The following GSE1 variants were observed in gnomAD, a reference collection of about 807,000 sequenced individuals.
GSE1 encodes genetic suppressor element 1.
A neutral mutation model predicts 112.6 loss-of-function variants in GSE1; 32 were observed. The ratio of observed to expected loss-of-function variants is 0.28; its 90% CI spans 0.21 to 0.38. The LOEUF (loss-of-function observed/expected upper bound fraction) is 0.38, where lower values mean the gene tolerates loss of function less well. GSE1 is among the 10% of genes least tolerant of loss of function. GSE1 has a pLI of 1.00. For synonymous variants in GSE1, 1,115 were observed against 735.6 expected, an observed-to-expected ratio of 1.52 and a Z score of -8.35; for missense variants, 2,348 against 1,699.2, an observed-to-expected ratio of 1.38 and a Z score of -6.71.
chr16:85,481,032 CCT>C (rs1169421282), intron 2 of GSE1, among the ~76,000 whole-genome samples: 2 of 152,348 alleles, frequency 1.3e-5, no homozygotes, highest in East Asian at 3.9e-4. Flanking sequence ...GCCCTTGCTC[CCT>C]CTCTGGGCCG....
intron 3 of GSE1, 83 bp from the exon 4 acceptor site, chr16:85,654,195 C>T (rs140032284): frequency 1.8e-5 from 23 of 1,295,120 alleles, no homozygotes; most frequent in Middle Eastern, 2.6e-4. Flanking sequence ...AGCGCCTTCC[C>T]GTGAGTCAGG....
chr16:85,611,592 C>A, upstream of GSE1: 3 of 583,092 alleles, frequency 5.1e-6, no homozygotes, highest in South Asian at 1.5e-4. Context: ...CGTTTGTGGT[C>A]TGCCCGGAGC....
At chr16:85,226,871 T>C (rs2075497350) in intron 1 of GSE1, among the ~76,000 whole-genome samples, 1 of 149,284 alleles carries the variant, frequency 6.7e-6, no homozygotes, top group African/African-American at 2.5e-5. Flanking sequence ...TGGTAGCACT[T>C]GGTGAGGCTG....
At chr16:85,380,117 C>T (rs909976848) in intron 2 of GSE1, among the ~76,000 whole-genome samples, 1 of 152,232 alleles carries the variant, frequency 6.6e-6, no homozygotes, top group Non-Finnish European at 1.5e-5. Flanking sequence ...CTTGGACATT[C>T]ACCATAGCTG....
chr16:85,336,486 G>A (rs1307491702), intron 1 of GSE1, among the ~76,000 whole-genome samples: 2 of 152,226 alleles, frequency 1.3e-5, no homozygotes, highest in Non-Finnish European at 2.9e-5. Context: ...CAGCCTTGGT[G>A]GCTCGGGTAG....
chr16:85,220,199 T>G (rs1262490645), intron 1 of GSE1, among the ~76,000 whole-genome samples: 1 of 152,220 alleles, frequency 6.6e-6, no homozygotes, highest in African/African-American at 2.4e-5. Flanking sequence ...ACCCCGCACC[T>G]GGGATTTCAA....
intron 1 of GSE1, among the ~76,000 whole-genome samples, chr16:85,178,987 G>C (rs540356652): frequency 2.6e-5 from 4 of 152,110 alleles, no homozygotes; most frequent in Admixed American, 1.3e-4. Flanking sequence ...GGTGGTTTTT[G>C]TTGTTGTTTT....
intron 2 of GSE1, among the ~76,000 whole-genome samples, chr16:85,478,895 C>CT (rs764439307): frequency 1.3e-5 from 1 of 76,338 alleles, no homozygotes; most frequent in African/African-American, 7.7e-5. Flanking sequence ...TTCTTTCTTT[C>CT]TTTCTTTCTT....
chr16:85,173,753 CAAG>C (rs1229100233), intron 1 of GSE1, among the ~76,000 whole-genome samples: 1 of 152,166 alleles, frequency 6.6e-6, no homozygotes, highest in East Asian at 1.9e-4. Flanking sequence ...CGCCAGGAAA[CAAG>C]AAGCCGCCGT....
chr16:85,209,284 G>A (rs1197649171), intron 1 of GSE1, among the ~76,000 whole-genome samples: 1 of 152,172 alleles, frequency 6.6e-6, no homozygotes, highest in Non-Finnish European at 1.5e-5. Context: ...AGGCACCGAG[G>A]ATTAAGGAAC....
At chr16:85,202,647 C>T (rs1488667211) in intron 1 of GSE1, among the ~76,000 whole-genome samples, 1 of 152,180 alleles carries the variant, frequency 6.6e-6, no homozygotes, top group Admixed American at 6.5e-5. Flanking sequence ...GGGGACCCTT[C>T]GATCCTCAGG....
intron 1 of GSE1, among the ~76,000 whole-genome samples, chr16:85,186,047 A>G (rs1011560810): frequency 3.3e-5 from 5 of 152,214 alleles, no homozygotes; most frequent in Admixed American, 2.6e-4. Context: ...TGGGCCGGGC[A>G]GCGACATCTG....
intron 1 of GSE1, chr16:85,582,227 C>T (rs2046477008): frequency 6.6e-6 from 1 of 152,204 alleles, no homozygotes; most frequent in Non-Finnish European, 1.5e-5. Context: ...AACATTGCCC[C>T]TCCTCCCCCG....
chr16:85,610,250 G>A (rs772940394), upstream of GSE1, among the ~76,000 whole-genome samples: 13 of 152,226 alleles, frequency 8.5e-5, no homozygotes, highest in Non-Finnish European at 1.5e-4. Context: ...GCTCTGGGAG[G>A]TGCCTCCGTA....
chr16:85,175,505 A>C (rs2074443796), intron 1 of GSE1, among the ~76,000 whole-genome samples: 1 of 152,162 alleles, frequency 6.6e-6, no homozygotes, highest in Admixed American at 6.5e-5. Context: ...GAACCGAGTG[A>C]GCCGGCCTGG....
chr16:85,335,462 G>A (rs956924619), intron 1 of GSE1, among the ~76,000 whole-genome samples: 3 of 150,822 alleles, frequency 2.0e-5, no homozygotes, highest in South Asian at 2.1e-4. Context: ...TGCAGGAGGC[G>A]GAGGCCGTGC....
chr16:85,304,949 C>T (rs1001601638), intron 1 of GSE1, among the ~76,000 whole-genome samples: 1 of 152,198 alleles, frequency 6.6e-6, no homozygotes, highest in African/African-American at 2.4e-5. Flanking sequence ...TCCTGACTGT[C>T]CAACCCAGTG....
chr16:85,216,930 T>G (rs966498590), intron 1 of GSE1, among the ~76,000 whole-genome samples: 7 of 152,364 alleles, frequency 4.6e-5, no homozygotes, highest in East Asian at 3.9e-4. Flanking sequence ...CTTTGGGTTC[T>G]CTTGAGGAAT....
chr16:85,313,771 C>T (rs576785299), intron 1 of GSE1, among the ~76,000 whole-genome samples: 3 of 152,356 alleles, frequency 2.0e-5, no homozygotes, highest in Non-Finnish European at 4.4e-5. Context: ...TTCTGCTCCC[C>T]GCCAGCCTGG....
Sources: allele counts gnomAD v4.1 joint callset (sites outside exome capture counted in the v4.1 genomes callset), GRCh38; gene constraint gnomAD v4.1.1; transcripts MANE v1.5; gene names NCBI Gene and HGNC (gene_info 2026-07-23, HGNC 2026-07-21).